The following SLC35F3 variants were observed in gnomAD, a reference collection of about 807,000 sequenced individuals.
The protein encoded by SLC35F3 is solute carrier family 35 member F3.
Under a neutral mutation model 49.9 loss-of-function variants are expected in SLC35F3, and 25 were observed. The observed-to-expected ratio is 0.50, with a 90% CI of 0.37 to 0.70. SLC35F3 has a LOEUF of 0.70. Among genes scored for constraint, SLC35F3 ranks in the 30% least tolerant of loss-of-function variants. The pLI is 0.00. For synonymous variants in SLC35F3, 275 were observed against 265.4 expected (o/e 1.04, Z -0.35); for missense variants, 525 against 639.8 (o/e 0.82, Z 1.94).
chr1:234,026,652 G>A (rs1327593473), intron 2 of SLC35F3, among the ~76,000 whole-genome samples: 1 of 152,128 alleles, frequency 6.6e-6, no homozygotes, highest in Non-Finnish European at 1.5e-5. Flanking sequence ...GGAGGCTAAG[G>A]TGAGAGGATC....
intron 5 of SLC35F3, among the ~76,000 whole-genome samples, chr1:234,317,656 A>G (rs898697961): frequency 1.3e-5 from 2 of 152,140 alleles, no homozygotes; most frequent in Admixed American, 6.5e-5. Context: ...CTTATCCTTC[A>G]TCACCTCCCT....
At chr1:234,279,653 A>G (rs1668270840) in intron 3 of SLC35F3, among the ~76,000 whole-genome samples, 2 of 152,210 alleles carry the variant, frequency 1.3e-5, no homozygotes, top group Admixed American at 1.3e-4. Context: ...CCCAGCACCC[A>G]AGTGAACATG....
rs533005621 is a variant in SLC35F3 at position 234,214,702 on chromosome 1, C to T, written c.284-16715C>T. 88 of 1,247,570 alleles carry T rather than the reference C, an allele frequency of 7.1e-5. No individual in the cohort carries two copies. Among genetic ancestry groups the T allele is most frequent in the Non-Finnish European group, 9.2e-5 (87 of 950,690 alleles). 77.3% of individuals were successfully genotyped at this position (1,247,570 alleles called of 1,614,324 possible). On this transcript the variant is annotated intron_variant, in intron 2 of 7. Transcript: ENST00000366618. This position sits in a 1 kb window ranked among gnomAD's most constrained non-coding sequence, Gnocchi z 8.0. ...ACTGCTCCCCCAGGACGCGGCTCCG[C>T]AGTGCAGAGCGCCGCCGCCTGCGTG...
Position 234,281,388 on chromosome 1 carries a change from C to A in SLC35F3, c.609-27713C>A, listed in dbSNP as rs916604387. On this transcript the variant is annotated intron_variant, in intron 3 of 7. Coordinates refer to ENST00000366618, the MANE Select transcript of SLC35F3 (RefSeq NM_173508.4). Reference sequence around the variant, plus strand: ...CGTGAACAAATAAGAATGTGTTAAGCCCCCAGTCTGTGGTGCCTCCTTATG... The same window carrying A: ...CGTGAACAAATAAGAATGTGTTAAGACCCCAGTCTGTGGTGCCTCCTTATG... 2.0e-5 allele frequency among the ~76,000 whole-genome samples: 3 copies of A among 152,152 alleles called. No homozygotes were observed. In the East Asian group the frequency reaches 5.8e-4, roughly 29 times the overall value.
chr1:234,010,606 C>T (rs1663702786), intron 2 of SLC35F3, among the ~76,000 whole-genome samples: 1 of 152,136 alleles, frequency 6.6e-6, no homozygotes, highest in Non-Finnish European at 1.5e-5. Context: ...CTATAAGAGA[C>T]TCATCTCACT....
At chr1:234,255,561 TA>T (rs1667807971) in intron 3 of SLC35F3, among the ~76,000 whole-genome samples, 1 of 152,246 alleles carries the variant, frequency 6.6e-6, no homozygotes, top group Admixed American at 6.5e-5. Flanking sequence ...CAGATATTTA[TA>T]GCAGCTTTAT....
chr1:234,245,767 T>A (rs10910393), intron 3 of SLC35F3, among the ~76,000 whole-genome samples: 33,620 of 152,104 alleles, frequency 0.22, 4,802 homozygotes, highest in East Asian at 0.73. Context: ...GGGTCTACAC[T>A]TGGCCTCTTC....
At chr1:233,980,336 A>G (rs574000439) in intron 2 of SLC35F3, among the ~76,000 whole-genome samples, 1 of 152,334 alleles carries the variant, frequency 6.6e-6, no homozygotes, top group Non-Finnish European at 1.5e-5. Context: ...TGATGATGCC[A>G]ACGACAATGA....
At chr1:233,940,942 C>T (rs1662410191) in intron 2 of SLC35F3, among the ~76,000 whole-genome samples, 1 of 152,226 alleles carries the variant, frequency 6.6e-6, no homozygotes, top group Non-Finnish European at 1.5e-5. Flanking sequence ...CACTCACCCA[C>T]TGCCCGTGAA....
chr1:233,946,516 T>G (rs940743874), intron 2 of SLC35F3, among the ~76,000 whole-genome samples: 1 of 152,244 alleles, frequency 6.6e-6, no homozygotes, highest in African/African-American at 2.4e-5. Flanking sequence ...AAACAATTAC[T>G]ATTGTCATTT....
At chr1:233,997,626 G>C (rs1341759766) in intron 2 of SLC35F3, among the ~76,000 whole-genome samples, 1 of 152,062 alleles carries the variant, frequency 6.6e-6, no homozygotes, top group Admixed American at 6.6e-5. Context: ...CTCCCTGGGG[G>C]CACACCATTC....
intron 2 of SLC35F3, among the ~76,000 whole-genome samples, chr1:233,962,902 G>T (rs559436773): frequency 1.8e-4 from 28 of 152,304 alleles, no homozygotes; most frequent in African/African-American, 6.7e-4. Flanking sequence ...CTCACTCTTT[G>T]CACGGACCTT....
At chr1:234,299,419 T>A (rs1295474774) in intron 3 of SLC35F3, among the ~76,000 whole-genome samples, 2 of 152,134 alleles carry the variant, frequency 1.3e-5, no homozygotes, top group African/African-American at 2.4e-5. Context: ...GTCAAGGTGA[T>A]CCTCATGCCA....
chr1:234,295,229 C>A (rs913627732), intron 3 of SLC35F3, among the ~76,000 whole-genome samples: 1 of 152,166 alleles, frequency 6.6e-6, no homozygotes, highest in Non-Finnish European at 1.5e-5. Context: ...ACATGAGTGA[C>A]GAAGGGACTA....
intron 2 of SLC35F3, among the ~76,000 whole-genome samples, chr1:234,187,368 A>G (rs1357646651): frequency 6.6e-6 from 1 of 152,224 alleles, no homozygotes; most frequent in Non-Finnish European, 1.5e-5. Flanking sequence ...GGTATGAAAG[A>G]GCAGCTCCAA....
chr1:234,129,604 G>GA (rs1299658861), intron 2 of SLC35F3, among the ~76,000 whole-genome samples: 1 of 152,082 alleles, frequency 6.6e-6, no homozygotes, highest in Non-Finnish European at 1.5e-5. Flanking sequence ...ATTGAATGTG[G>GA]AAATACAAAA....
rs150548875 is a variant in SLC35F3, at chr1:234,121,734, C to A, written c.284-109683C>A. ...CACCATCCTCCCACCCCCTGACAGG[C>A]CCCGGTGTGTGATGTTCCCTGCCCT... On this transcript the variant is annotated intron_variant, in intron 2 of 7. Transcript: ENST00000366618. Among the ~76,000 whole-genome samples, 322 of 152,224 alleles carry A rather than the reference C, an allele frequency of 2.1e-3. 3 individuals are homozygous for A. Among genetic ancestry groups the A allele is most frequent in the East Asian group, 0.017 (87 of 5,170 alleles).
At chr1:234,015,364 T>C (rs1391299340) in intron 2 of SLC35F3, among the ~76,000 whole-genome samples, 1 of 131,420 alleles carries the variant, frequency 7.6e-6, no homozygotes, top group African/African-American at 3.0e-5. Context: ...AAAAAAAAAA[T>C]GCAAGAACAA....
At chr1:234,060,160 G>A (rs1326630171) in intron 2 of SLC35F3, among the ~76,000 whole-genome samples, 1 of 152,170 alleles carries the variant, frequency 6.6e-6, no homozygotes, top group African/African-American at 2.4e-5. Flanking sequence ...CTAGCTTGTG[G>A]TCTGTCCTGG....
Sources: allele counts gnomAD v4.1 joint callset (sites outside exome capture counted in the v4.1 genomes callset), GRCh38; gene constraint gnomAD v4.1.1; non-coding constraint Gnocchi (gnomAD v3.1); transcripts MANE v1.5; gene names NCBI Gene and HGNC (gene_info 2026-07-23, HGNC 2026-07-21).